The following ATP6V0D2 variants were observed in gnomAD, a reference collection of about 807,000 sequenced individuals.
The protein encoded by ATP6V0D2 is V-type proton ATPase subunit d 2.
A neutral mutation model predicts 40.0 loss-of-function variants in ATP6V0D2; 40 were observed. The observed-to-expected ratio is 1.00, with a 90% CI of 0.78 to 1.30. ATP6V0D2 has a LOEUF of 1.30. Ranked by LOEUF, ATP6V0D2 falls within the 50% of genes most tolerant of loss-of-function variation. The pLI is 0.00. For missense variants in ATP6V0D2, 470 were observed against 423.1 expected, an observed-to-expected ratio of 1.11 and a Z score of -0.97; for synonymous variants, 179 against 156.3, an observed-to-expected ratio of 1.15 and a Z score of -1.08.
intron 2 of ATP6V0D2, among the ~76,000 whole-genome samples, chr8:86,128,705 C>A (rs113676652): frequency 1.8e-3 from 274 of 152,278 alleles, no homozygotes; most frequent in African/African-American, 6.4e-3. Flanking sequence ...TCTGGGGTTA[C>A]AAGATACAAA....
chr8:86,101,812 C>T, intron 1 of ATP6V0D2, among the ~76,000 whole-genome samples: 1 of 152,190 alleles, frequency 6.6e-6, no homozygotes, highest in Non-Finnish European at 1.5e-5. Flanking sequence ...GCCACCCCAC[C>T]TGTGCTCTAC....
At chr8:86,123,249 G>A (rs1818696602) in intron 2 of ATP6V0D2, among the ~76,000 whole-genome samples, 1 of 152,030 alleles carries the variant, frequency 6.6e-6, no homozygotes, top group Non-Finnish European at 1.5e-5. Flanking sequence ...CTGCTTTCCT[G>A]GGGCATACTT....
chr8:86,151,871 A>G (rs1819159078), intron 7 of ATP6V0D2, among the ~76,000 whole-genome samples: 1 of 151,758 alleles, frequency 6.6e-6, no homozygotes, highest in South Asian at 2.1e-4. Context: ...TACAAATGCT[A>G]CAAATTTTAG....
chr8:86,115,400 AT>A (rs559879300), intron 2 of ATP6V0D2, among the ~76,000 whole-genome samples: 203 of 106,880 alleles, frequency 1.9e-3, no homozygotes, highest in African/African-American at 7.5e-3. Flanking sequence ...ACTGAGTCTC[AT>A]TCTGTCGCTC....
intron 2 of ATP6V0D2, among the ~76,000 whole-genome samples, chr8:86,118,073 CTTT>C (rs1246420365): frequency 5.4e-4 from 55 of 102,518 alleles, no homozygotes; most frequent in Non-Finnish European, 8.9e-4. Context: ...TTCCTTCCTT[CTTT>C]CTTTCTTTCT....
chr8:86,128,472 C>T (rs1028469660), intron 2 of ATP6V0D2, among the ~76,000 whole-genome samples: 1 of 152,218 alleles, frequency 6.6e-6, no homozygotes, highest in Admixed American at 6.5e-5. Context: ...TAAATGTTCT[C>T]TCAGGCCCAA....
Position 86,133,742 on chromosome 8 carries a change from T to G in ATP6V0D2, c.303-5715T>G, listed in dbSNP as rs185745715. 1.7e-4 allele frequency among the ~76,000 whole-genome samples: 26 copies of G among 152,180 alleles called. No individual in the cohort carries two copies. In the East Asian group the frequency reaches 5.0e-3, roughly 29 times the overall value. ...ACCCAGATGTCTACCCTTACCCGGC[T>G]GTAAGTGGGGTCAGAGAGGGCTGAG... is the stretch of plus-strand genomic sequence containing the variant. On this transcript the variant is annotated intron_variant, in intron 2 of 7. Transcript: ENST00000285393.
chr8:86,118,495 C>T (rs766598770), intron 2 of ATP6V0D2, among the ~76,000 whole-genome samples: 1 of 152,000 alleles, frequency 6.6e-6, no homozygotes, highest in African/African-American at 2.4e-5. Flanking sequence ...AAAGAAGATG[C>T]CAGGATTACT....
intron 5 of ATP6V0D2, among the ~76,000 whole-genome samples, chr8:86,146,033 T>C (rs1424783365): frequency 1.3e-5 from 2 of 152,140 alleles, no homozygotes; most frequent in East Asian, 1.9e-4. Flanking sequence ...TAAGTCACGA[T>C]TGGAATGCAA....
Position 86,113,850 on chromosome 8 carries a change from A to G in ATP6V0D2, c.272A>G (p.Glu91Gly). The change falls in exon 2 of 8, where the codon GAG becomes GGG. Residue 91 changes from glutamate (E) to glycine (G), a missense_variant. Transcript: ENST00000285393. ...GAGTATTTCCGGAATCATTCCCTGGAGCCCCTCAGCACATTTCTCACCTAT... is the reference window on the plus strand; with the variant it reads ...GAGTATTTCCGGAATCATTCCCTGGGGCCCCTCAGCACATTTCTCACCTAT... ...EFEYFRNHSL[E>G]PLSTFLTYMT... 1 of 1,613,884 alleles carries G rather than the reference A, an allele frequency of 6.2e-7. No individual in the cohort carries two copies.
At chr8:86,116,246 C>T (rs1818590194) in intron 2 of ATP6V0D2, among the ~76,000 whole-genome samples, 1 of 152,170 alleles carries the variant, frequency 6.6e-6, no homozygotes, top group African/African-American at 2.4e-5. Flanking sequence ...AAAATACTTA[C>T]ATGTACGTGT....
In ATP6V0D2 at chr8:86,151,453, C is replaced by G; in HGVS notation, c.817-13C>G. The G allele has an allele frequency of 6.5e-7, 1 of 1,546,818 alleles. No homozygotes were observed. The highest frequency in any genetic ancestry group is 8.8e-7 in the Non-Finnish European group (1 of 1,136,922). On this transcript the variant is annotated splice_polypyrimidine_tract_variant and intron_variant, in intron 6 of 7. Coordinates refer to ENST00000285393, the MANE Select transcript of ATP6V0D2 (RefSeq NM_152565.1). Reference sequence around the variant, plus strand: ...ATGAAAATGTCTTTAAAATTAATGTCTTTGTTTTTAAGGTATACAAACCTT... The same window carrying G: ...ATGAAAATGTCTTTAAAATTAATGTGTTTGTTTTTAAGGTATACAAACCTT...
At chr8:86,124,226 T>G (rs1818710417) in intron 2 of ATP6V0D2, among the ~76,000 whole-genome samples, 1 of 152,142 alleles carries the variant, frequency 6.6e-6, no homozygotes, top group Admixed American at 6.6e-5. Context: ...AGACCTTCAG[T>G]GCTTAAAACT....
rs1819192965 is a variant in ATP6V0D2 at position 86,153,868 on chromosome 8, C to G, written c.*891C>G. ...CACTGCAACCTCCACCTCCCAGATTCAAGCAACTCTCTGCCTCAGCCTCCC... is the reference window on the plus strand; with the variant it reads ...CACTGCAACCTCCACCTCCCAGATTGAAGCAACTCTCTGCCTCAGCCTCCC... On this transcript the variant is annotated 3_prime_UTR_variant, in exon 8 of 8. Transcript: ENST00000285393. 6.6e-6 allele frequency: 1 copy of G among 152,286 alleles called. No homozygotes were observed. Among genetic ancestry groups the G allele is most frequent in the Non-Finnish European group, 1.5e-5 (1 of 68,184 alleles). 9.4% of individuals were successfully genotyped at this position (152,286 alleles called of 1,614,324 possible).
intron 4 of ATP6V0D2, among the ~76,000 whole-genome samples, chr8:86,142,467 A>T (rs1818988141): frequency 6.6e-6 from 1 of 152,214 alleles, no homozygotes; most frequent in Non-Finnish European, 1.5e-5. Flanking sequence ...AGCCTTTCCC[A>T]TATAGCTCCA....
At chr8:86,101,309 A>C (rs1396354287) in intron 1 of ATP6V0D2, among the ~76,000 whole-genome samples, 1 of 151,808 alleles carries the variant, frequency 6.6e-6, no homozygotes, top group Non-Finnish European at 1.5e-5. Context: ...AAATTTTGAA[A>C]ATTGGCTGGG....
Position 86,113,812 on chromosome 8 carries a change from A to C in ATP6V0D2, c.234A>C (p.Leu78=). 6.2e-7 allele frequency: 1 copy of C among 1,613,992 alleles called. No individual in the cohort carries two copies. The highest frequency in any genetic ancestry group is 8.5e-7 in the Non-Finnish European group (1 of 1,179,922). The change falls in exon 2 of 8, where the codon CTA becomes CTC. Residue 78 remains leucine, a synonymous_variant. Coordinates refer to ENST00000285393, the MANE Select transcript of ATP6V0D2 (RefSeq NM_152565.1). ...SKIDTEMRKR[L]CGEFEYFRNH... Reference sequence around the variant, plus strand: ...TTGACACTGAGATGAGGAAAAGACTATGTGGAGAATTTGAGTATTTCCGGA... The same window carrying C: ...TTGACACTGAGATGAGGAAAAGACTCTGTGGAGAATTTGAGTATTTCCGGA...
chr8:86,136,206 A>T (rs1305066594), intron 2 of ATP6V0D2, among the ~76,000 whole-genome samples: 1 of 152,218 alleles, frequency 6.6e-6, no homozygotes, highest in Non-Finnish European at 1.5e-5. Flanking sequence ...TCATTGCAAT[A>T]TGGAGCTTAG....
intron 5 of ATP6V0D2, among the ~76,000 whole-genome samples, chr8:86,145,338 GA>G (rs1344405055): frequency 3.4e-3 from 126 of 37,182 alleles, no homozygotes; most frequent in African/African-American, 0.018. Flanking sequence ...AGGAAAGAAG[GA>G]AAGAAGGAAA....
Sources: gnomAD v4.1 joint callset for allele counts (sites outside exome capture counted in the v4.1 genomes callset) on GRCh38, gnomAD v4.1.1 for gene constraint, MANE v1.5 for transcripts, NCBI Gene and HGNC (gene_info 2026-07-23, HGNC 2026-07-21) for gene names.